The following TNFAIP8L1 variants were observed in gnomAD, a reference collection of about 807,000 sequenced individuals.
The protein encoded by TNFAIP8L1 is TNF alpha induced protein 8 like 1.
For synonymous variants in TNFAIP8L1, 127 were observed against 125.6 expected (o/e 1.01, Z -0.08); for missense variants, 225 against 266.1 (o/e 0.85, Z 1.08).
At position 4,641,037 on chromosome 19, in the gene TNFAIP8L1, G is replaced by GC. The variant is rs1240331752; in HGVS notation, c.-4+1408_-4+1409insC. On this transcript the variant is annotated intron_variant, in intron 1 of 1. Coordinates refer to ENST00000327473, the MANE Select transcript of TNFAIP8L1 (RefSeq NM_152362.3). This position sits in a 1 kb window ranked among gnomAD's most constrained non-coding sequence, Gnocchi z 4.6. ...GACCCCTGCAGGGAATATGGGGCCG[G>GC]GGGGGGGACTTGAACCCTGCTCCAA... 6.8e-6 allele frequency: 1 copy of GC among 146,278 alleles called. No homozygotes were observed. The highest frequency in any genetic ancestry group is 2.8e-5 in the African/African-American group (1 of 36,090). 9.1% of individuals were successfully genotyped at this position (146,278 alleles called of 1,614,324 possible). A position where few individuals can be genotyped will look rare whatever the true frequency, so the allele number is the denominator to read the frequency against.
At chr19:4,648,398 A>C (rs1170173378) in intron 1 of TNFAIP8L1, among the ~76,000 whole-genome samples, 1 of 152,230 alleles carries the variant, frequency 6.6e-6, no homozygotes, top group African/African-American at 2.4e-5. Context: ...CTGGGAGAGC[A>C]GTCATCCTCC....
At chr19:4,642,700 AG>A (rs1295014296) in intron 1 of TNFAIP8L1, among the ~76,000 whole-genome samples, 1 of 141,818 alleles carries the variant, frequency 7.1e-6, no homozygotes, top group Non-Finnish European at 1.5e-5. Context: ...AGGAGCAGCA[AG>A]GAGGCCCGTG....
intron 1 of TNFAIP8L1, among the ~76,000 whole-genome samples, chr19:4,644,254 C>CACTG (rs2088289314): frequency 6.6e-6 from 1 of 150,516 alleles, no homozygotes; most frequent in Non-Finnish European, 1.5e-5. Context: ...ATAAAATGGA[C>CACTG]ACTGGCCAAG....
chr19:4,648,179 G>T (rs913157357), intron 1 of TNFAIP8L1, among the ~76,000 whole-genome samples: 3 of 152,234 alleles, frequency 2.0e-5, no homozygotes, highest in Non-Finnish European at 4.4e-5. Context: ...TTGAGCCACT[G>T]AATGGGTGTT....
At chr19:4,644,143 C>T (rs190523662) in intron 1 of TNFAIP8L1, among the ~76,000 whole-genome samples, 203 of 152,240 alleles carry the variant, frequency 1.3e-3, no homozygotes, top group African/African-American at 4.5e-3. Context: ...ATCACTTGAA[C>T]CCAGGAGGCA....
chr19:4,641,813 A>T lies in TNFAIP8L1; in HGVS notation c.-4+2184A>T, dbSNP rs1327001944. The T allele has an allele frequency of 1.3e-5, 2 of 152,196 alleles. No individual in the cohort carries two copies. The highest frequency in any genetic ancestry group is 4.8e-5 in the African/African-American group (2 of 41,426). 9.4% of individuals were successfully genotyped at this position (152,196 alleles called of 1,614,324 possible). On this transcript the variant is annotated intron_variant, in intron 1 of 1. Coordinates refer to ENST00000327473, the MANE Select transcript of TNFAIP8L1 (RefSeq NM_152362.3). The surrounding 1 kb of genome is among the most constrained non-coding windows in gnomAD (Gnocchi z 4.6). ...GGGAGAGACGAGACTTGAACCCCAA[A>T]TGTGCCATTGACTAGGATGAGGAAA... is the stretch of plus-strand genomic sequence containing the variant.
In TNFAIP8L1 at chr19:4,654,588, T is replaced by C. The variant is rs2088405669; in HGVS notation, c.*2158T>C. The C allele has an allele frequency of 2.0e-5, 3 of 152,306 alleles. No individual in the cohort carries two copies. The South Asian group carries it at 6.2e-4, about 32-fold the overall frequency. The allele number at this position is 152,306 out of a possible 1,614,324, so 9.4% of individuals were successfully genotyped here. A position where few individuals can be genotyped will look rare whatever the true frequency, so the allele number is the denominator to read the frequency against. On this transcript the variant is annotated 3_prime_UTR_variant, in exon 2 of 2. Transcript: ENST00000327473. ...AACTCCTGGGCTCAAGCGACCTACC[T>C]ACCTCGGCCTCACAAAGTGTGCACA... is the stretch of plus-strand genomic sequence containing the variant.
rs571282318 is a variant in TNFAIP8L1, at chr19:4,655,498, A to G, written c.*3068A>G. The G allele has an allele frequency of 6.6e-6, 1 of 152,298 alleles. No homozygotes were observed. The highest frequency in any genetic ancestry group is 3.4e-3 in the Middle Eastern group (1 of 294). The allele number at this position is 152,298 out of a possible 1,614,324, so 9.4% of individuals were successfully genotyped here. ...GACAGTCTGGACTCTTGTAAATTTG[A>G]GATTTAATTAAAGGAAACAAACCAA... On this transcript the variant is annotated 3_prime_UTR_variant, in exon 2 of 2. Transcript: ENST00000327473.
chr19:4,642,470 G>A (rs2088270191), intron 1 of TNFAIP8L1: 1 of 139,338 alleles, frequency 7.2e-6, no homozygotes, highest in Non-Finnish European at 1.5e-5. Flanking sequence ...GACAGAGTGT[G>A]AGACTCCATC....
chr19:4,648,924 CTTTTTT>C (rs10526236), intron 1 of TNFAIP8L1, among the ~76,000 whole-genome samples: 2 of 132,470 alleles, frequency 1.5e-5, no homozygotes, highest in Non-Finnish European at 1.6e-5. Flanking sequence ...TGCAAACATC[CTTTTTT>C]TTTTTTTTTT....
At chr19:4,646,280 G>A (rs2088310429) in intron 1 of TNFAIP8L1, among the ~76,000 whole-genome samples, 2 of 148,912 alleles carry the variant, frequency 1.3e-5, no homozygotes, top group African/African-American at 4.9e-5. Flanking sequence ...TCGCCACCAC[G>A]CCCGGCCGAC....
rs1568283491 is a variant in TNFAIP8L1 at position 4,653,123 on chromosome 19, G to C, written c.*693G>C. ...GATCGAGACCATCCTGGCTAACACG[G>C]TGAAACCCCATCTCTACTGAAAATA... is the stretch of plus-strand genomic sequence containing the variant. On this transcript the variant is annotated 3_prime_UTR_variant, in exon 2 of 2. Transcript: ENST00000327473. The C allele has an allele frequency of 6.0e-6, 1 of 166,494 alleles. No individual in the cohort carries two copies. The highest frequency in any genetic ancestry group is 1.5e-5 in the Non-Finnish European group (1 of 68,156). The allele number at this position is 166,494 out of a possible 1,614,324, so 10.3% of individuals were successfully genotyped here.
At chr19:4,646,192 G>A (rs537763744) in intron 1 of TNFAIP8L1, among the ~76,000 whole-genome samples, 9 of 151,970 alleles carry the variant, frequency 5.9e-5, no homozygotes, top group African/African-American at 1.9e-4. Flanking sequence ...GAACAATCTC[G>A]ACTCCCTGCA....
intron 1 of TNFAIP8L1, among the ~76,000 whole-genome samples, chr19:4,647,372 G>A (rs977624489): frequency 2.0e-5 from 3 of 150,922 alleles, no homozygotes; most frequent in Non-Finnish European, 4.4e-5. Flanking sequence ...TGGAGACCTC[G>A]GCTCACTGTC....
rs1289085096 is a variant in TNFAIP8L1 at position 4,641,633 on chromosome 19, C to T, written c.-4+2004C>T. 2.6e-5 allele frequency: 4 copies of T among 152,082 alleles called. No individual in the cohort carries two copies. The highest frequency in any genetic ancestry group is 6.6e-5 in the Admixed American group (1 of 15,258). 9.4% of individuals were successfully genotyped at this position (152,082 alleles called of 1,614,324 possible). On this transcript the variant is annotated intron_variant, in intron 1 of 1. Coordinates refer to ENST00000327473, the MANE Select transcript of TNFAIP8L1 (RefSeq NM_152362.3). This position sits in a 1 kb window ranked among gnomAD's most constrained non-coding sequence, Gnocchi z 4.6. ...CAATGGGGCTGGTCATCTCCTTTTTCTTGTGGGGCTGAGATAACTGTGGGG... is the reference window on the plus strand; with the variant it reads ...CAATGGGGCTGGTCATCTCCTTTTTTTTGTGGGGCTGAGATAACTGTGGGG...
chr19:4,646,144 C>T (rs147807256), intron 1 of TNFAIP8L1, among the ~76,000 whole-genome samples: 2,212 of 152,128 alleles, frequency 0.015, 24 homozygotes, highest in Middle Eastern at 0.068. Context: ...CTCCTTCCAG[C>T]AGGGGAACAG....
rs968833943 is a variant in TNFAIP8L1, at chr19:4,654,257, C to T, written c.*1827C>T. 1 of 152,224 alleles carries T rather than the reference C, an allele frequency of 6.6e-6. No individual in the cohort carries two copies. Among genetic ancestry groups the T allele is most frequent in the Non-Finnish European group, 1.5e-5 (1 of 68,062 alleles). 9.4% of individuals were successfully genotyped at this position (152,224 alleles called of 1,614,324 possible). A position where few individuals can be genotyped will look rare whatever the true frequency, so the allele number is the denominator to read the frequency against. ...CCCTGGGTCGGGAGGGGAAACTGCT[C>T]CAATCCAGGGACTGCCACATGGGAG... On this transcript the variant is annotated 3_prime_UTR_variant, in exon 2 of 2. Coordinates refer to ENST00000327473, the MANE Select transcript of TNFAIP8L1 (RefSeq NM_152362.3).
intron 1 of TNFAIP8L1, among the ~76,000 whole-genome samples, chr19:4,647,345 C>T (rs969752734): frequency 3.3e-5 from 5 of 151,904 alleles, no homozygotes; most frequent in African/African-American, 9.7e-5. Context: ...GACGGAGTCT[C>T]GCTCTATCAC....
Position 4,652,548 on chromosome 19 carries a change from C to T in TNFAIP8L1, c.*118C>T, listed in dbSNP as rs1325266840. On this transcript the variant is annotated 3_prime_UTR_variant, in exon 2 of 2. Transcript: ENST00000327473. ...TCCCAATCGGACTCCGGCCAAACTCCCCTAGACAGATGGGTGACCTGTCTC... is the reference window on the plus strand; with the variant it reads ...TCCCAATCGGACTCCGGCCAAACTCTCCTAGACAGATGGGTGACCTGTCTC... 4 of 1,023,326 alleles carry T rather than the reference C, an allele frequency of 3.9e-6. No individual in the cohort carries two copies. The South Asian group carries it at 7.1e-5, about 18-fold the overall frequency. The allele number at this position is 1,023,326 out of a possible 1,614,324, so 63.4% of individuals were successfully genotyped here. A position where few individuals can be genotyped will look rare whatever the true frequency, so the allele number is the denominator to read the frequency against.
Sources: gnomAD v4.1 joint callset for allele counts (sites outside exome capture counted in the v4.1 genomes callset) on GRCh38, gnomAD v4.1.1 for gene constraint, Gnocchi (gnomAD v3.1) non-coding constraint, MANE v1.5 for transcripts, NCBI Gene and HGNC (gene_info 2026-07-23, HGNC 2026-07-21) for gene names.